The following KCNH6 variants were observed in gnomAD, a reference collection of about 807,000 sequenced individuals.
KCNH6 encodes the protein potassium voltage-gated channel subfamily H member 6.
Under a neutral mutation model 83.4 loss-of-function variants are expected in KCNH6, and 81 were observed. That is an observed-to-expected ratio of 0.97 (90% CI 0.81 to 1.17). The LOEUF (loss-of-function observed/expected upper bound fraction) is 1.17. Ranked by LOEUF, KCNH6 falls within the 50% of genes most tolerant of loss-of-function variation. The pLI, the probability that KCNH6 is intolerant of heterozygous loss-of-function variation, is 0.00. For synonymous variants in KCNH6, 503 were observed against 545.6 expected, an observed-to-expected ratio of 0.92 and a Z score of 1.09; for missense variants, 1,203 against 1,290.5, an observed-to-expected ratio of 0.93 and a Z score of 1.04.
intron 12 of KCNH6, among the ~76,000 whole-genome samples, 171 bp downstream of exon 12, chr17:63,545,435 A>G (rs2033099411): frequency 6.6e-6 from 1 of 152,218 alleles, no homozygotes; most frequent in Non-Finnish European, 1.5e-5. Flanking sequence ...AGCCTGGGCA[A>G]GGTGCTGGCA....
rs1241298644 is a variant in KCNH6 at position 63,534,120 on chromosome 17, G to T, written c.910G>T (p.Asp304Tyr). The part of the protein sequence containing the change: ...SYTCSPLTVV[D>Y]LIVDIMFVVD... ...TACCTGCAGTCCCCTCACTGTGGTG[G>T]ATCTCATCGTGGACATCATGTTCGT... The change falls in exon 5 of 13, where the codon GAT becomes TAT. Residue 304 changes from aspartate (D) to tyrosine (Y), a missense_variant. Physicochemically the swap from Asp to Tyr is radical, Grantham distance 160. Transcript: ENST00000314672. This position sits in a 1 kb window ranked among gnomAD's most constrained non-coding sequence, Gnocchi z 5.0. The T allele has an allele frequency of 6.2e-7, 1 of 1,612,966 alleles. No individual in the cohort carries two copies. Among genetic ancestry groups the T allele is most frequent in the Non-Finnish European group, 8.5e-7 (1 of 1,179,650 alleles).
Position 63,544,958 on chromosome 17 carries a change from G to A in KCNH6, c.2397-120G>A, listed in dbSNP as rs139933527. 539 of 964,624 alleles carry A rather than the reference G, an allele frequency of 5.6e-4. 5 individuals are homozygous for A. In the East Asian group the frequency reaches 0.012, roughly 22 times the overall value. The allele number at this position is 964,624 out of a possible 1,614,324, so 59.8% of individuals were successfully genotyped here. A position where few individuals can be genotyped will look rare whatever the true frequency, so the allele number is the denominator to read the frequency against. On this transcript the variant is annotated intron_variant, in intron 11 of 12. Transcript: ENST00000314672. ...GGATCCCAGTAAGGAAATAGCTTCA[G>A]GTAGGCCCCAGGCCGCCATTCCATC...
At position 63,539,970 on chromosome 17, in the gene KCNH6, G is replaced by A. The variant is rs1370532438; in HGVS notation, c.1954+1308G>A. Among the ~76,000 whole-genome samples the A allele has an allele frequency of 3.3e-5, 5 of 152,174 alleles. 1 individual carries two copies. Among genetic ancestry groups the A allele is most frequent in the African/African-American group, 1.2e-4 (5 of 41,434 alleles). On this transcript the variant is annotated intron_variant, in intron 8 of 12. Coordinates refer to ENST00000314672, the MANE Select transcript of KCNH6 (RefSeq NM_001278919.2). The stretch of plus-strand genomic sequence containing the variant: ...TACCACCCTCCCCCTGGTACTTCAT[G>A]CTCCAGCCAAACTACTTAGAGTTCT...
In KCNH6 at chr17:63,545,149, AC is replaced by A; in HGVS notation, c.2469del (p.His823GlnfsTer19). Reference sequence around the variant, plus strand: ...CTCCAGAAGCCCATGCCCCAGGGCCACGCCAGCTACATTCTGGAAGCCCCTG... The same window carrying A: ...CTCCAGAAGCCCATGCCCCAGGGCCAGCCAGCTACATTCTGGAAGCCCCTG... Reference protein sequence around the residue: ...QLLQKPMPQGHASYILEAPAS... With the variant: ...QLLQKPMPQGXASYILEAPAS... On this transcript the variant is annotated frameshift_variant, in exon 12 of 13. Transcript: ENST00000314672. LOFTEE classifies it high-confidence loss of function. 1 of 1,613,802 alleles carries A rather than the reference AC, an allele frequency of 6.2e-7. No individual in the cohort carries two copies. The highest frequency in any genetic ancestry group is 1.1e-5 in the South Asian group (1 of 91,086).
At chr17:63,543,375 G>C (rs2032975262) in intron 9 of KCNH6, among the ~76,000 whole-genome samples, 2 of 152,190 alleles carry the variant, frequency 1.3e-5, no homozygotes, top group South Asian at 4.1e-4. Context: ...ATGCCCAGCA[G>C]CTGGGCACCA....
At chr17:63,526,259 T>G (rs1226102626) in intron 2 of KCNH6, among the ~76,000 whole-genome samples, 1 of 152,172 alleles carries the variant, frequency 6.6e-6, no homozygotes, top group African/African-American at 2.4e-5. Context: ...GGCTTTGATT[T>G]ACCTGGACCT....
Position 63,524,133 on chromosome 17 carries a change from C to T in KCNH6, c.77-6C>T. 2 of 1,609,544 alleles carry T rather than the reference C, an allele frequency of 1.2e-6. No individual in the cohort carries two copies. ...TGGACTTTTTGCCTCCCACCTCCCACCCCAGGTCGGAAGTTCCTGATTGCC... is the reference window on the plus strand; with the variant it reads ...TGGACTTTTTGCCTCCCACCTCCCATCCCAGGTCGGAAGTTCCTGATTGCC... On this transcript the variant is annotated splice_region_variant and splice_polypyrimidine_tract_variant and intron_variant, in intron 1 of 12. Coordinates refer to ENST00000314672, the MANE Select transcript of KCNH6 (RefSeq NM_001278919.2).
chr17:63,525,492 G>C (rs1250598540), intron 2 of KCNH6, among the ~76,000 whole-genome samples: 1 of 152,252 alleles, frequency 6.6e-6, no homozygotes, highest in Non-Finnish European at 1.5e-5. Context: ...TGGAGATAAA[G>C]AATGGATGTC....
At position 63,535,077 on chromosome 17, in the gene KCNH6, C is replaced by T. The variant is rs1332263899; in HGVS notation, c.1102-592C>T. ...TCGCCTACCTGACCCTGTGTTCCAC[C>T]CTCTGGGGTGTACAGGGTCCTCAGA... On this transcript the variant is annotated intron_variant, in intron 5 of 12. Transcript: ENST00000314672. The surrounding 1 kb of genome is among the most constrained non-coding windows in gnomAD (Gnocchi z 4.9). Among the ~76,000 whole-genome samples the T allele has an allele frequency of 2.0e-5, 3 of 152,196 alleles. No homozygotes were observed. The highest frequency in any genetic ancestry group is 4.4e-5 in the Non-Finnish European group (3 of 68,034).
chr17:63,532,516 C>T (rs2032188709), intron 4 of KCNH6, among the ~76,000 whole-genome samples: 1 of 152,144 alleles, frequency 6.6e-6, no homozygotes, highest in Non-Finnish European at 1.5e-5. Flanking sequence ...AAAAAAGAGC[C>T]CAAGTCTATG....
chr17:63,523,520 G>A lies in KCNH6; in HGVS notation c.76+31G>A. ...TGTGTGTATGTTGGGGCGGGGGGAC[G>A]ATCTGGAGTCCTGGTTCCGTGAAAG... On this transcript the variant is annotated intron_variant, in intron 1 of 12. Coordinates refer to ENST00000314672, the MANE Select transcript of KCNH6 (RefSeq NM_001278919.2). The surrounding 1 kb of genome is among the most constrained non-coding windows in gnomAD (Gnocchi z 4.2). 6.3e-7 allele frequency: 1 copy of A among 1,579,550 alleles called. No individual in the cohort carries two copies. Among genetic ancestry groups the A allele is most frequent in the Non-Finnish European group, 8.6e-7 (1 of 1,159,756 alleles).
At chr17:63,543,788 T>C (rs1193665383) in intron 10 of KCNH6, 128 bp downstream of exon 10, 1 of 678,448 alleles carries the variant, frequency 1.5e-6, no homozygotes, top group South Asian at 1.7e-5. Flanking sequence ...GCTCCCTCTC[T>C]AGACCCAGAG....
rs532172791 is a variant in KCNH6 at position 63,534,041 on chromosome 17, A to C, written c.831A>C (p.Ser277=). The stretch of plus-strand genomic sequence containing the variant: ...ACACGGCTGTCTTCACGCCCTACTC[A>C]GCCGCCTTCCTGCTCAGCGATCAGG... The part of the protein sequence containing the change: ...VIYTAVFTPY[S]AAFLLSDQDE... Residue 277 remains serine (S), a synonymous_variant, in exon 5 of 13, where the codon TCA becomes TCC. Coordinates refer to ENST00000314672, the MANE Select transcript of KCNH6 (RefSeq NM_001278919.2). This position sits in a 1 kb window ranked among gnomAD's most constrained non-coding sequence, Gnocchi z 5.0. 13 of 1,614,068 alleles carry C rather than the reference A, an allele frequency of 8.1e-6. No individual in the cohort carries two copies. The East Asian group carries it at 2.9e-4, about 36-fold the overall frequency.
chr17:63,542,089 A>G (rs1219986976), intron 8 of KCNH6, 152 bp from the exon 9 acceptor site: 9 of 733,782 alleles, frequency 1.2e-5, no homozygotes, highest in Non-Finnish European at 2.0e-5. Flanking sequence ...ACCCACAGCC[A>G]GCACATCCAG....
intron 4 of KCNH6, 110 bp downstream of exon 4, chr17:63,530,652 C>A (rs2032045068): frequency 2.2e-6 from 2 of 925,630 alleles, no homozygotes; most frequent in Non-Finnish European, 3.3e-6. Context: ...GAGATCCTGC[C>A]TGTCCAGCCT....
intron 3 of KCNH6, 32 bp from the exon 4 acceptor site, chr17:63,530,305 G>A (rs370404472): frequency 2.5e-5 from 41 of 1,613,956 alleles, no homozygotes; most frequent in Admixed American, 2.5e-4. Context: ...TCCCCTGGCC[G>A]TGGCTGCTCT....
intron 4 of KCNH6, among the ~76,000 whole-genome samples, chr17:63,532,367 C>T (rs1413376776): frequency 6.6e-6 from 1 of 152,330 alleles, no homozygotes; most frequent in Admixed American, 6.5e-5. Context: ...ATTCAAGGAC[C>T]TGCAGTTGAG....
intron 6 of KCNH6, among the ~76,000 whole-genome samples, chr17:63,537,087 CTT>C (rs2032551796): frequency 6.6e-6 from 1 of 151,928 alleles, no homozygotes; most frequent in South Asian, 2.1e-4. Flanking sequence ...GCCAGGCACT[CTT>C]TTAAACACTT....
chr17:63,525,377 G>A lies in KCNH6; in HGVS notation c.307+1008G>A, dbSNP rs373847395. On this transcript the variant is annotated intron_variant, in intron 2 of 12. Coordinates refer to ENST00000314672, the MANE Select transcript of KCNH6 (RefSeq NM_001278919.2). ...TTTCTTTTGAGTAATCCCAAGAGGA[G>A]AGAAAGGACCCCAGCTGCCTTTGTG... is the stretch of plus-strand genomic sequence containing the variant. Among the ~76,000 whole-genome samples the A allele has an allele frequency of 4.2e-4, 64 of 152,348 alleles. 1 individual carries two copies. The South Asian group carries it at 6.6e-3, about 16-fold the overall frequency.
Sources: allele counts gnomAD v4.1 joint callset (sites outside exome capture counted in the v4.1 genomes callset), GRCh38; gene constraint gnomAD v4.1.1; non-coding constraint Gnocchi (gnomAD v3.1); transcripts MANE v1.5; gene names NCBI Gene and HGNC (gene_info 2026-07-23, HGNC 2026-07-21).